OXCT1: variants seen among roughly 807,000 people sequenced by gnomAD.
OXCT1 encodes succinyl-CoA:3-ketoacid coenzyme A transferase 1, mitochondrial.
OXCT1 carries 27 observed loss-of-function variants against 69.6 expected under a neutral mutation model. That is an observed-to-expected ratio of 0.39 (90% confidence interval 0.29 to 0.54). The LOEUF (loss-of-function observed/expected upper bound fraction) is 0.54. Among genes scored for constraint, OXCT1 ranks in the 20% least tolerant of loss-of-function variants. The pLI is 0.72. For synonymous variants in OXCT1, 202 were observed against 217.8 expected (o/e 0.93, Z 0.64); for missense variants, 437 against 650.2 (o/e 0.67, Z 3.57).
intron 13 of OXCT1, among the ~76,000 whole-genome samples, chr5:41,769,094 C>T (rs770447361): frequency 7.9e-5 from 12 of 152,172 alleles, no homozygotes; most frequent in African/African-American, 2.9e-4. Flanking sequence ...CTCTGTCCCA[C>T]GCTATCCACA....
intron 13 of OXCT1, among the ~76,000 whole-genome samples, chr5:41,776,607 A>C (rs982888910): frequency 1.1e-4 from 17 of 152,208 alleles, no homozygotes; most frequent in African/African-American, 4.1e-4. Flanking sequence ...AGTCAAATGA[A>C]TCTGTGCTTT....
At chr5:41,855,299 G>A (rs1749380006) in intron 3 of OXCT1, among the ~76,000 whole-genome samples, 2 of 152,200 alleles carry the variant, frequency 1.3e-5, no homozygotes, top group African/African-American at 4.8e-5. Flanking sequence ...CAGGAAGAGG[G>A]CTTCCTGGGG....
chr5:41,771,693 A>G (rs1191020830), intron 13 of OXCT1, among the ~76,000 whole-genome samples: 1 of 152,214 alleles, frequency 6.6e-6, no homozygotes, highest in East Asian at 1.9e-4. Flanking sequence ...CAAGTGTTTC[A>G]GGATAAATAA....
At chr5:41,821,468 T>C (rs906307900) in intron 7 of OXCT1, among the ~76,000 whole-genome samples, 8 of 152,234 alleles carry the variant, frequency 5.3e-5, no homozygotes, top group Non-Finnish European at 1.0e-4. Context: ...AGTGATTTAA[T>C]TCCAAGGAGT....
intron 14 of OXCT1, among the ~76,000 whole-genome samples, chr5:41,760,062 T>C (rs187791473): frequency 2.0e-5 from 3 of 152,240 alleles, no homozygotes; most frequent in Admixed American, 2.0e-4. Flanking sequence ...CCCTACCTCT[T>C]TTCCAGCTCT....
chr5:41,815,904 T>C (rs1747219526), intron 7 of OXCT1, among the ~76,000 whole-genome samples: 1 of 152,188 alleles, frequency 6.6e-6, no homozygotes, highest in African/African-American at 2.4e-5. Flanking sequence ...AAAATGTTAC[T>C]CTAAGACTAT....
intron 13 of OXCT1, among the ~76,000 whole-genome samples, chr5:41,786,683 C>A (rs1745657267): frequency 1.3e-5 from 2 of 152,132 alleles, no homozygotes; most frequent in African/African-American, 4.8e-5. Context: ...AAAAGCTTCC[C>A]TAACAGAATA....
At chr5:41,794,867 TGCAGTGACATA>T in intron 11 of OXCT1, 118 bp from the exon 12 acceptor site, 1 of 1,038,184 alleles carries the variant, frequency 9.6e-7, no homozygotes, top group Non-Finnish European at 1.5e-6. Context: ...TTTACCAAAA[TGCAGTGACATA>T]GCAGGTGGGG....
intron 1 of OXCT1, among the ~76,000 whole-genome samples, chr5:41,869,637 G>A (rs899378650): frequency 6.6e-6 from 1 of 152,206 alleles, no homozygotes; most frequent in African/African-American, 2.4e-5. Flanking sequence ...CGCGGGCCAG[G>A]GACACACCTC....
At chr5:41,803,031 A>G in intron 10 of OXCT1, 38 bp downstream of exon 10, 2 of 1,393,114 alleles carry the variant, frequency 1.4e-6, no homozygotes, top group Middle Eastern at 3.6e-4. Flanking sequence ...CTCATTCTTC[A>G]TTAAGACTGG....
chr5:41,809,557 G>A (rs1746860089), intron 7 of OXCT1, among the ~76,000 whole-genome samples: 1 of 151,942 alleles, frequency 6.6e-6, no homozygotes. Flanking sequence ...AAAAGGTCAG[G>A]CCCTCAAATC....
chr5:41,808,440 T>C (rs1746794898), intron 7 of OXCT1, among the ~76,000 whole-genome samples: 1 of 152,114 alleles, frequency 6.6e-6, no homozygotes, highest in South Asian at 2.1e-4. Context: ...TCTACTACTA[T>C]ATGCCTTCAC....
At chr5:41,766,580 AAAACAAC>A (rs1158625744) in intron 13 of OXCT1, among the ~76,000 whole-genome samples, 312 of 151,840 alleles carry the variant, frequency 2.1e-3, no homozygotes, top group African/African-American at 7.2e-3. Context: ...AAAAAAAAAA[AAAACAAC>A]AACAACAACA....
intron 15 of OXCT1, among the ~76,000 whole-genome samples, chr5:41,743,761 G>C (rs982356042): frequency 8.6e-5 from 13 of 152,034 alleles, no homozygotes; most frequent in East Asian, 1.9e-4. Context: ...GCTTGTTTTT[G>C]TCAGGTTTGT....
At chr5:41,798,921 T>C (rs143278778) in intron 11 of OXCT1, among the ~76,000 whole-genome samples, 1 of 152,304 alleles carries the variant, frequency 6.6e-6, no homozygotes, top group African/African-American at 2.4e-5. Flanking sequence ...ACTCAGTCCC[T>C]AGCAATGTTA....
rs190630360 is a variant in OXCT1 at position 41,744,309 on chromosome 5, C to G, written c.1420-4818G>C. On this transcript the variant is annotated intron_variant, in intron 15 of 16. Transcript: ENST00000196371. ...AGAATGCTTGTGATTTCTGCACATTCATTTTGTATCCTGAGACTTTGCTGA... is the reference window on the plus strand; with the variant it reads ...AGAATGCTTGTGATTTCTGCACATTGATTTTGTATCCTGAGACTTTGCTGA... Among the ~76,000 whole-genome samples the G allele has an allele frequency of 3.3e-5, 5 of 152,256 alleles. No homozygotes were observed. The East Asian group carries it at 7.7e-4, about 23-fold the overall frequency.
At chr5:41,751,610 G>A (rs1344971283) in intron 14 of OXCT1, among the ~76,000 whole-genome samples, 8 of 152,098 alleles carry the variant, frequency 5.3e-5, no homozygotes, top group African/African-American at 1.9e-4. Flanking sequence ...TGAAATGCAA[G>A]GGTCCAGCAC....
chr5:41,867,035 T>C lies in OXCT1; in HGVS notation c.78+3246A>G, dbSNP rs1336245261. On this transcript the variant is annotated intron_variant, in intron 1 of 16. Transcript: ENST00000196371. ...TGGAGAAGCAGACTGAGGCAGTTTG[T>C]AAAAAGCCTTACAGACCACACTGCA... 2.0e-5 allele frequency among the ~76,000 whole-genome samples: 3 copies of C among 152,218 alleles called. No individual in the cohort carries two copies. The East Asian group carries it at 5.8e-4, about 29-fold the overall frequency.
chr5:41,778,722 T>C (rs1266868577), intron 13 of OXCT1, among the ~76,000 whole-genome samples: 1 of 152,210 alleles, frequency 6.6e-6, no homozygotes, highest in Non-Finnish European at 1.5e-5. Flanking sequence ...GCACACAAGC[T>C]AGAAGCGGTC....
Sources: allele counts gnomAD v4.1 joint callset (sites outside exome capture counted in the v4.1 genomes callset), GRCh38; gene constraint gnomAD v4.1.1; transcripts MANE v1.5; gene names NCBI Gene and HGNC (gene_info 2026-07-23, HGNC 2026-07-21).